WWC1: variants seen among roughly 807,000 people sequenced by gnomAD.
The protein encoded by WWC1 is WW and C2 domain containing 1, also known as protein KIBRA.
In WWC1, 55 loss-of-function variants were observed where a neutral mutation model predicts 138.4. That is an observed-to-expected ratio of 0.40 (90% CI 0.32 to 0.50). The LOEUF (loss-of-function observed/expected upper bound fraction) is 0.50. WWC1 is among the 20% of genes least tolerant of loss of function. The probability of loss-of-function intolerance (pLI) is 0.72; values close to 1 mark genes in which losing one functional copy is unlikely to be tolerated. For missense variants in WWC1, 1,226 were observed against 1,420.4 expected, an observed-to-expected ratio of 0.86 and a Z score of 2.20; for synonymous variants, 524 against 564.9, an observed-to-expected ratio of 0.93 and a Z score of 1.03.
intron 11 of WWC1, 72 bp downstream of exon 11, chr5:168,424,140 A>G: frequency 6.7e-7 from 1 of 1,502,558 alleles, no homozygotes; most frequent in South Asian, 1.4e-5. Context: ...AGAACCCCCC[A>G]GTGATCATTC....
intron 20 of WWC1, among the ~76,000 whole-genome samples, chr5:168,462,833 A>G (rs1756933886): frequency 6.6e-6 from 1 of 152,208 alleles, no homozygotes; most frequent in South Asian, 2.1e-4. Flanking sequence ...CAGCCTGCCC[A>G]ACTTCTGAGA....
intron 1 of WWC1, among the ~76,000 whole-genome samples, chr5:168,322,521 C>T (rs1230084286): frequency 6.6e-6 from 1 of 152,288 alleles, no homozygotes; most frequent in East Asian, 1.9e-4. Flanking sequence ...AGACTAAAAG[C>T]TTTAAGAGGG....
chr5:168,418,545 A>G (rs1165944894), intron 9 of WWC1, among the ~76,000 whole-genome samples: 2 of 152,062 alleles, frequency 1.3e-5, no homozygotes, highest in Non-Finnish European at 2.9e-5. Flanking sequence ...TGTGCCATCT[A>G]TCCTGCAAAA....
intron 9 of WWC1, among the ~76,000 whole-genome samples, chr5:168,421,432 G>A (rs564792288): frequency 6.6e-6 from 1 of 152,240 alleles, no homozygotes; most frequent in Admixed American, 6.5e-5. Flanking sequence ...TTTTCTTCAT[G>A]GACCTTGTCA....
chr5:168,314,903 C>T (rs1581895413), intron 1 of WWC1, among the ~76,000 whole-genome samples: 1 of 152,222 alleles, frequency 6.6e-6, no homozygotes, highest in East Asian at 1.9e-4. Context: ...CTCGCCAGGC[C>T]CTGGCTCACC....
intron 17 of WWC1, among the ~76,000 whole-genome samples, chr5:168,452,782 CTCCTCT>C (rs1285765263): frequency 2.0e-5 from 3 of 148,758 alleles, no homozygotes; most frequent in Non-Finnish European, 3.0e-5. Flanking sequence ...CCTCCTCCTC[CTCCTCT>C]TCTTCCTCAT....
At chr5:168,447,905 C>T (rs1007571995) in intron 17 of WWC1, among the ~76,000 whole-genome samples, 7 of 151,958 alleles carry the variant, frequency 4.6e-5, no homozygotes, top group Admixed American at 1.3e-4. Context: ...CACTGCTGTG[C>T]CACACTCTAC....
At chr5:168,461,011 A>G (rs1251849356) in intron 20 of WWC1, among the ~76,000 whole-genome samples, 2 of 152,140 alleles carry the variant, frequency 1.3e-5, no homozygotes, top group Non-Finnish European at 2.9e-5. Flanking sequence ...TTGCCTTCCT[A>G]GATAGAAATC....
chr5:168,460,755 C>T lies in WWC1; in HGVS notation c.2916+13C>T, dbSNP rs2152891726. 1 of 1,613,980 alleles carries T rather than the reference C, an allele frequency of 6.2e-7. No homozygotes were observed. Among genetic ancestry groups the T allele is most frequent in the East Asian group, 2.2e-5 (1 of 44,846 alleles). ...CCGGATGAAGCGGGTAAGAGAGTCA[C>T]CTCAAAGCTATTTTTCTGCCTGCTC... is the stretch of plus-strand genomic sequence containing the variant. On this transcript the variant is annotated intron_variant, in intron 20 of 22. Coordinates refer to ENST00000265293, the MANE Select transcript of WWC1 (RefSeq NM_015238.3).
chr5:168,373,171 A>G (rs1036822817), intron 2 of WWC1, among the ~76,000 whole-genome samples: 1 of 152,216 alleles, frequency 6.6e-6, no homozygotes, highest in Non-Finnish European at 1.5e-5. Flanking sequence ...ACTGATGTGC[A>G]GGAGACCTAA....
chr5:168,447,542 AT>A (rs548640706), intron 17 of WWC1, among the ~76,000 whole-genome samples: 8 of 151,098 alleles, frequency 5.3e-5, no homozygotes, highest in South Asian at 2.1e-4. Flanking sequence ...TCCCCTTTTG[AT>A]TTTTTTTTCA....
intron 2 of WWC1, among the ~76,000 whole-genome samples, chr5:168,373,822 G>A (rs957720465): frequency 2.6e-5 from 4 of 151,150 alleles, no homozygotes; most frequent in Admixed American, 6.6e-5. Flanking sequence ...CGAGGTGGGC[G>A]GATCACGAGG....
intron 17 of WWC1, among the ~76,000 whole-genome samples, chr5:168,451,158 A>G (rs1314871423): frequency 6.6e-6 from 1 of 152,086 alleles, no homozygotes; most frequent in Non-Finnish European, 1.5e-5. Flanking sequence ...AGCTAGAATT[A>G]CAGGTGCATG....
intron 1 of WWC1, among the ~76,000 whole-genome samples, chr5:168,359,787 T>G (rs542022483): frequency 6.6e-6 from 1 of 152,354 alleles, no homozygotes; most frequent in African/African-American, 2.4e-5. Flanking sequence ...TGTCTTCCCA[T>G]TCAGAATCCA....
intron 11 of WWC1, among the ~76,000 whole-genome samples, chr5:168,427,227 A>G (rs1258192768): frequency 2.6e-5 from 4 of 152,182 alleles, no homozygotes; most frequent in African/African-American, 7.2e-5. Flanking sequence ...ATCTACAGTG[A>G]TAGGAACAGT....
chr5:168,421,944 TG>T (rs2152851182), intron 9 of WWC1, 63 bp from the exon 10 acceptor site: 1 of 1,413,908 alleles, frequency 7.1e-7, no homozygotes, highest in Non-Finnish European at 9.9e-7. Flanking sequence ...TGGGTGTACA[TG>T]GGTAAGAGTG....
In WWC1 at chr5:168,351,432, A is replaced by G. The variant is rs557794536; in HGVS notation, c.120-19992A>G. 3.9e-5 allele frequency among the ~76,000 whole-genome samples: 6 copies of G among 152,356 alleles called. No individual in the cohort carries two copies. In the South Asian group the frequency reaches 6.2e-4, roughly 16 times the overall value. On this transcript the variant is annotated intron_variant, in intron 1 of 22. Coordinates refer to ENST00000265293, the MANE Select transcript of WWC1 (RefSeq NM_015238.3). ...GGCATCATATACACATGGGAAATGTATAATACTCATGGAATCCAGAAATGA... is the reference window on the plus strand; with the variant it reads ...GGCATCATATACACATGGGAAATGTGTAATACTCATGGAATCCAGAAATGA...
intron 1 of WWC1, among the ~76,000 whole-genome samples, chr5:168,328,915 C>T (rs987539848): frequency 4.6e-5 from 7 of 152,206 alleles, no homozygotes; most frequent in Non-Finnish European, 8.8e-5. Context: ...GCAAAAGCAT[C>T]TGTTATTCCC....
intron 6 of WWC1, among the ~76,000 whole-genome samples, chr5:168,408,049 T>TA (rs1561719888): frequency 6.7e-6 from 1 of 150,158 alleles, no homozygotes; most frequent in Non-Finnish European, 1.5e-5. Flanking sequence ...TTTTTTTTTT[T>TA]AGAGATGGGA....
Sources: allele counts gnomAD v4.1 joint callset (sites outside exome capture counted in the v4.1 genomes callset), GRCh38; gene constraint gnomAD v4.1.1; transcripts MANE v1.5; gene names NCBI Gene and HGNC (gene_info 2026-07-23, HGNC 2026-07-21).